Variants in RPS6KA1 observed in about 807,000 individuals in gnomAD.
The protein encoded by RPS6KA1 is ribosomal protein S6 kinase A1, also known as ribosomal protein S6 kinase alpha-1.
Under a neutral mutation model 91.3 loss-of-function variants are expected in RPS6KA1, and 48 were observed. The observed-to-expected ratio is 0.53, with a 90% confidence interval of 0.42 to 0.67. The LOEUF (loss-of-function observed/expected upper bound fraction) is 0.67. Among genes scored for constraint, RPS6KA1 ranks in the 30% least tolerant of loss-of-function variants. The pLI is 0.00. For synonymous variants in RPS6KA1, 359 were observed against 384.7 expected (o/e 0.93, Z 0.78); for missense variants, 719 against 960.5 (o/e 0.75, Z 3.32).
intron 1 of RPS6KA1, among the ~76,000 whole-genome samples, chr1:26,531,614 C>T (rs554361949): frequency 3.9e-4 from 59 of 152,270 alleles, no homozygotes; most frequent in Non-Finnish European, 5.6e-4. Context: ...AGTTCTGTAA[C>T]ATCTCAGGTC....
Position 26,561,588 on chromosome 1 carries a change from GTTC to G in RPS6KA1, c.1520_1522del (p.Phe507del), listed in dbSNP as rs746926837. On this transcript the variant is annotated inframe_deletion, in exon 17 of 22. Transcript: ENST00000374168. The surrounding 1 kb of genome is among the most constrained non-coding windows in gnomAD (Gnocchi z 5.7). ...TGCTGGACAAGATCCTGCGGCAGAAGTTCTTCTCAGAGCGGGAGGCCAGCTTTG... is the reference window on the plus strand; with the variant it reads ...TGCTGGACAAGATCCTGCGGCAGAAGTTCTCAGAGCGGGAGGCCAGCTTTG... 1.2e-5 allele frequency: 19 copies of G among 1,614,168 alleles called. No individual in the cohort carries two copies. The highest frequency in any genetic ancestry group is 1.4e-5 in the Non-Finnish European group (16 of 1,180,006).
intron 1 of RPS6KA1, among the ~76,000 whole-genome samples, chr1:26,530,519 C>T (rs1208938315): frequency 6.6e-6 from 1 of 152,192 alleles, no homozygotes; most frequent in Non-Finnish European, 1.5e-5. Flanking sequence ...TTTTCTTTGC[C>T]CTGAGGCTAG....
intron 2 of RPS6KA1, among the ~76,000 whole-genome samples, chr1:26,542,878 C>T (rs1404062456): frequency 6.6e-6 from 1 of 152,192 alleles, no homozygotes; most frequent in Admixed American, 6.5e-5. Flanking sequence ...TGTGACACTG[C>T]GTTATCGCCT....
chr1:26,538,307 G>A (rs562486654), intron 2 of RPS6KA1, among the ~76,000 whole-genome samples: 9 of 152,296 alleles, frequency 5.9e-5, no homozygotes, highest in African/African-American at 1.9e-4. Context: ...GAAGAAACAC[G>A]GTGTTCAGAT....
chr1:26,573,374 TTGGGCTGC>T lies in RPS6KA1; in HGVS notation c.2085+19_2085+26del, dbSNP rs1457797846. 1 of 1,613,958 alleles carries T rather than the reference TTGGGCTGC, an allele frequency of 6.2e-7. No homozygotes were observed. Among genetic ancestry groups the T allele is most frequent in the South Asian group, 1.1e-5 (1 of 91,080 alleles). On this transcript the variant is annotated intron_variant, in intron 21 of 21. Transcript: ENST00000374168. ...ACAGCTTGTGAAGGTATGGCCACCC[TTGGGCTGC>T]TGGGCATCTGGGGGGTCAGCCCAAG...
At chr1:26,553,562 C>T (rs2076073018) in intron 7 of RPS6KA1, 65 bp downstream of exon 7, 1 of 1,015,932 alleles carries the variant, frequency 9.8e-7, no homozygotes, top group Non-Finnish European at 1.5e-6. Flanking sequence ...ACAGGGCCAT[C>T]CTGAGGTGGG....
At chr1:26,536,860 C>T (rs1174074319) in intron 1 of RPS6KA1, 65 bp from the exon 2 acceptor site, 2 of 1,585,884 alleles carry the variant, frequency 1.3e-6, no homozygotes, top group Non-Finnish European at 1.7e-6. Flanking sequence ...GGGTGCCCCA[C>T]AGAGTCTTTC....
intron 6 of RPS6KA1, among the ~76,000 whole-genome samples, chr1:26,552,219 C>T (rs1324802113): frequency 6.6e-6 from 1 of 151,940 alleles, no homozygotes; most frequent in African/African-American, 2.4e-5. Context: ...GAAACCCCGT[C>T]TCTACTAAAA....
At position 26,540,155 on chromosome 1, in the gene RPS6KA1, T is replaced by TGGAAG. The variant is rs912399466; in HGVS notation, c.108+3186_108+3187insGGAAG. 6.6e-6 allele frequency among the ~76,000 whole-genome samples: 1 copy of TGGAAG among 152,126 alleles called. No individual in the cohort carries two copies. Among genetic ancestry groups the TGGAAG allele is most frequent in the African/African-American group, 2.4e-5 (1 of 41,422 alleles). ...AGGGGAGACCCCACAGCAGTAAGACTAAGTAAACCTGGGAGAAGTTCTGTT... is the reference window on the plus strand; with the variant it reads ...AGGGGAGACCCCACAGCAGTAAGACTGGAAGAAGTAAACCTGGGAGAAGTTCTGTT... On this transcript the variant is annotated intron_variant, in intron 2 of 21. Transcript: ENST00000374168. This position sits in a 1 kb window ranked among gnomAD's most constrained non-coding sequence, Gnocchi z 4.2.
intron 1 of RPS6KA1, among the ~76,000 whole-genome samples, chr1:26,536,304 A>C (rs1044579493): frequency 1.1e-4 from 16 of 152,224 alleles, no homozygotes; most frequent in Non-Finnish European, 1.2e-4. Flanking sequence ...TAGGAAGGGC[A>C]GGCCTGTGTG....
chr1:26,555,983 A>G lies in RPS6KA1; in HGVS notation c.916+358A>G. 2.8e-6 allele frequency: 1 copy of G among 357,076 alleles called. No individual in the cohort carries two copies. The highest frequency in any genetic ancestry group is 5.3e-6 in the Non-Finnish European group (1 of 189,834). 22.1% of individuals were successfully genotyped at this position (357,076 alleles called of 1,614,324 possible). On this transcript the variant is annotated intron_variant, in intron 11 of 21. Transcript: ENST00000374168. This position sits in a 1 kb window ranked among gnomAD's most constrained non-coding sequence, Gnocchi z 4.3. ...GTGTCAGGTCCCCACTGCCTGGCAC[A>G]AAACAGTCCCTCTATAAATATTTGT...
At chr1:26,538,882 G>A (rs1456287630) in intron 2 of RPS6KA1, among the ~76,000 whole-genome samples, 1 of 152,148 alleles carries the variant, frequency 6.6e-6, no homozygotes, top group Non-Finnish European at 1.5e-5. Context: ...ATACACCAGG[G>A]GGCGCTCAAC....
chr1:26,556,925 C>G (rs1291450086), intron 12 of RPS6KA1, 73 bp from the exon 13 acceptor site: 1 of 1,298,968 alleles, frequency 7.7e-7, no homozygotes, highest in Non-Finnish European at 1.1e-6. Flanking sequence ...AGCCCAGCAC[C>G]TCCTCCTGCA....
At chr1:26,560,146 T>A (rs957033377) in intron 14 of RPS6KA1, among the ~76,000 whole-genome samples, 1 of 152,174 alleles carries the variant, frequency 6.6e-6, no homozygotes, top group African/African-American at 2.4e-5. Context: ...CCAGGACAAA[T>A]ATTAAATCAG....
chr1:26,535,664 G>C (rs144245705), intron 1 of RPS6KA1, among the ~76,000 whole-genome samples: 98 of 152,236 alleles, frequency 6.4e-4, no homozygotes, highest in Non-Finnish European at 1.1e-3. Flanking sequence ...CTGACCAGAG[G>C]GGGGCTCTGG....
intron 2 of RPS6KA1, among the ~76,000 whole-genome samples, chr1:26,539,297 A>G (rs1457223825): frequency 6.6e-6 from 1 of 152,190 alleles, no homozygotes; most frequent in African/African-American, 2.4e-5. Context: ...GCCGAGGAAG[A>G]AGAGTTGGGG....
intron 17 of RPS6KA1, among the ~76,000 whole-genome samples, chr1:26,570,861 G>T (rs1394671940): frequency 6.6e-6 from 1 of 152,178 alleles, no homozygotes; most frequent in Non-Finnish European, 1.5e-5. Context: ...GGTGGCTCAC[G>T]CCTGTAATCC....
At chr1:26,572,345 C>CA (rs774712943) in intron 20 of RPS6KA1, 52 bp downstream of exon 20, 1 of 1,223,802 alleles carries the variant, frequency 8.2e-7, no homozygotes, top group South Asian at 1.2e-5. Flanking sequence ...GGCAGGGTCC[C>CA]ATCCTAGGGC....
intron 17 of RPS6KA1, among the ~76,000 whole-genome samples, chr1:26,568,421 A>C (rs1020775273): frequency 6.6e-6 from 1 of 152,192 alleles, no homozygotes; most frequent in Non-Finnish European, 1.5e-5. Context: ...AGGAATTTGT[A>C]GTTTCTCTAT....
Sources: allele counts gnomAD v4.1 joint callset (sites outside exome capture counted in the v4.1 genomes callset), GRCh38; gene constraint gnomAD v4.1.1; non-coding constraint Gnocchi (gnomAD v3.1); transcripts MANE v1.5; gene names NCBI Gene and HGNC (gene_info 2026-07-23, HGNC 2026-07-21).